Variants in THSD7A observed in about 807,000 individuals in gnomAD.
The protein encoded by THSD7A is thrombospondin type 1 domain containing 7A, also known as thrombospondin type-1 domain-containing protein 7A.
THSD7A carries 96 observed loss-of-function variants against 231.3 expected under a neutral mutation model. The ratio of observed to expected loss-of-function variants is 0.41; its 90% CI spans 0.35 to 0.49. THSD7A has a LOEUF of 0.49. Ranked by LOEUF, THSD7A falls within the 20% of genes least tolerant of loss-of-function variation. THSD7A has a pLI of 0.05. For synonymous variants in THSD7A, 940 were observed against 743.3 expected (o/e 1.26, Z -4.30); for missense variants, 2,290 against 2,070.2 (o/e 1.11, Z -2.06).
rs1272547425 is a variant in THSD7A, at chr7:11,814,706, A to G, written c.190+17051T>C. On this transcript the variant is annotated intron_variant, in intron 1 of 27. Transcript: ENST00000423059. This position sits in a 1 kb window ranked among gnomAD's most constrained non-coding sequence, Gnocchi z 5.1. ...ATTACATTAAATATTGCAGTAAGAG[A>G]CAGGGAGAGAAATGTATCTTAGCAG... Among the ~76,000 whole-genome samples, 1 of 152,202 alleles carries G rather than the reference A, an allele frequency of 6.6e-6. No homozygotes were observed. The highest frequency in any genetic ancestry group is 1.5e-5 in the Non-Finnish European group (1 of 68,030).
Position 11,460,644 on chromosome 7 carries a change from T to G in THSD7A, c.2605+18A>C, listed in dbSNP as rs1011127332. On this transcript the variant is annotated intron_variant, in intron 11 of 27. Transcript: ENST00000423059. ...CTAGCGATGCTGGAGAAATGAACTG[T>G]GGAATGGGGCCTCCCACCTCTTGCC... 31 of 1,588,922 alleles carry G rather than the reference T, an allele frequency of 2.0e-5. No individual in the cohort carries two copies. The highest frequency in any genetic ancestry group is 2.7e-5 in the Non-Finnish European group (31 of 1,166,424).
chr7:11,385,625 CTT>C (rs1782708683), intron 23 of THSD7A: 1 of 151,416 alleles, frequency 6.6e-6, no homozygotes, highest in African/African-American at 2.4e-5. Context: ...ATTTGGTTAT[CTT>C]TGTATTTCAA....
chr7:11,737,508 T>C (rs1781957258), intron 1 of THSD7A, among the ~76,000 whole-genome samples: 1 of 151,990 alleles, frequency 6.6e-6, no homozygotes, highest in South Asian at 2.1e-4. Flanking sequence ...ACGCAGTTCC[T>C]GGAATCAGTA....
rs1783144969 is a variant in THSD7A, at chr7:11,395,445, T to C, written c.4411+6350A>G. On this transcript the variant is annotated intron_variant, in intron 23 of 27. Transcript: ENST00000423059. ...GATAATTAATAAGGATATTCAGGAC[T>C]TGAACTAAGCTGTGGACCAAGGAGA... is the stretch of plus-strand genomic sequence containing the variant. Among the ~76,000 whole-genome samples, 4 of 152,012 alleles carry C rather than the reference T, an allele frequency of 2.6e-5. No individual in the cohort carries two copies. The South Asian group carries it at 8.3e-4, about 32-fold the overall frequency.
chr7:11,521,438 G>C (rs903895412), intron 6 of THSD7A, among the ~76,000 whole-genome samples: 2 of 150,100 alleles, frequency 1.3e-5, no homozygotes, highest in Non-Finnish European at 3.0e-5. Flanking sequence ...ACAAGCTTAG[G>C]GCACTGAGAC....
At chr7:11,809,110 T>C (rs1438398784) in intron 1 of THSD7A, among the ~76,000 whole-genome samples, 1 of 152,192 alleles carries the variant, frequency 6.6e-6, no homozygotes, top group Non-Finnish European at 1.5e-5. Context: ...TAGTATATAA[T>C]ACATGTTGAG....
intron 2 of THSD7A, among the ~76,000 whole-genome samples, chr7:11,611,343 T>C (rs551374053): frequency 6.6e-6 from 1 of 152,148 alleles, no homozygotes; most frequent in East Asian, 1.9e-4. Flanking sequence ...TTACAATGTA[T>C]TTTTAAATCA....
intron 1 of THSD7A, among the ~76,000 whole-genome samples, chr7:11,724,387 C>A (rs1179985568): frequency 6.6e-6 from 1 of 151,922 alleles, no homozygotes; most frequent in South Asian, 2.1e-4. Flanking sequence ...TTAAACACTT[C>A]TAAGTAATTC....
chr7:11,524,598 C>CT (rs1232555655), intron 6 of THSD7A, among the ~76,000 whole-genome samples: 1 of 152,106 alleles, frequency 6.6e-6, no homozygotes, highest in African/African-American at 2.4e-5. Flanking sequence ...TGTTTACAGT[C>CT]TTTATATGTG....
chr7:11,636,541 G>C lies in THSD7A; in HGVS notation c.611C>G (p.Ser204Cys). ...DCIVSEFSAW[S>C]ECSKTCGSGL... is the part of the protein sequence containing the mutation. ...GCTGCCGCAGGTCTTGGAGCATTCG[G>C]ACCAGGCAGAAAATTCAGACACGAT... Residue 204 changes from serine to cysteine, a missense_variant, in exon 2 of 28, where the codon TCC becomes TGC. Ser to Cys is a moderately radical substitution (Grantham distance 112). Transcript: ENST00000423059. The surrounding 1 kb of genome is among the most constrained non-coding windows in gnomAD (Gnocchi z 10.0). The C allele has an allele frequency of 1.9e-6, 3 of 1,613,974 alleles. No individual in the cohort carries two copies. Among genetic ancestry groups the C allele is most frequent in the Admixed American group, 3.3e-5 (2 of 60,026 alleles).
At chr7:11,423,683 A>C (rs1400058910) in intron 16 of THSD7A, among the ~76,000 whole-genome samples, 4 of 152,126 alleles carry the variant, frequency 2.6e-5, no homozygotes, top group Middle Eastern at 3.2e-3. Context: ...GAGAAGGGTT[A>C]AAAGAAACCA....
At chr7:11,617,563 AT>A (rs777377547) in intron 2 of THSD7A, among the ~76,000 whole-genome samples, 1 of 152,184 alleles carries the variant, frequency 6.6e-6, no homozygotes, top group Non-Finnish European at 1.5e-5. Context: ...ATAGATAAAT[AT>A]ATTTCTAATA....
chr7:11,707,692 C>G (rs73294599), intron 1 of THSD7A, among the ~76,000 whole-genome samples: 2,601 of 150,840 alleles, frequency 0.017, 77 homozygotes, highest in African/African-American at 0.06. Flanking sequence ...GCTTCAAGAC[C>G]CAAAGGAATG....
chr7:11,466,609 G>A (rs1211815290), intron 9 of THSD7A, among the ~76,000 whole-genome samples: 1 of 152,028 alleles, frequency 6.6e-6, no homozygotes, highest in Non-Finnish European at 1.5e-5. Flanking sequence ...GAGTGCCTAG[G>A]TTTAGGGTTT....
chr7:11,454,384 A>G (rs1785237711), intron 11 of THSD7A, among the ~76,000 whole-genome samples: 1 of 151,848 alleles, frequency 6.6e-6, no homozygotes, highest in Non-Finnish European at 1.5e-5. Context: ...CATTTTTTTA[A>G]TGAGAAAAAG....
chr7:11,697,707 A>C (rs1248839314), intron 1 of THSD7A, among the ~76,000 whole-genome samples: 1 of 151,352 alleles, frequency 6.6e-6, no homozygotes, highest in African/African-American at 2.4e-5. Context: ...ACTCTTCATG[A>C]TGAGAGAAGC....
intron 1 of THSD7A, among the ~76,000 whole-genome samples, chr7:11,827,897 T>C (rs986686180): frequency 1.3e-5 from 2 of 152,324 alleles, no homozygotes; most frequent in East Asian, 1.9e-4. Context: ...ACTACAGGCA[T>C]GATGAAAACC....
chr7:11,419,907 T>G (rs1221315583), intron 16 of THSD7A, among the ~76,000 whole-genome samples: 1 of 152,184 alleles, frequency 6.6e-6, no homozygotes, highest in Non-Finnish European at 1.5e-5. Flanking sequence ...TAGAGATTTG[T>G]GGAACTTTGA....
intron 6 of THSD7A, among the ~76,000 whole-genome samples, chr7:11,488,443 T>C (rs1786753233): frequency 6.6e-6 from 1 of 152,118 alleles, no homozygotes; most frequent in African/African-American, 2.4e-5. Flanking sequence ...ACCCTCAGCT[T>C]ACTGAAGAAG....
Sources: gnomAD v4.1 joint callset for allele counts (sites outside exome capture counted in the v4.1 genomes callset) on GRCh38, gnomAD v4.1.1 for gene constraint, Gnocchi (gnomAD v3.1) non-coding constraint, MANE v1.5 for transcripts, NCBI Gene and HGNC (gene_info 2026-07-23, HGNC 2026-07-21) for gene names.